The following CEP85L variants were observed in gnomAD, a reference collection of about 807,000 sequenced individuals.
CEP85L encodes centrosomal protein of 85 kDa-like.
Under a neutral mutation model 100.3 loss-of-function variants are expected in CEP85L, and 60 were observed. That is an observed-to-expected ratio of 0.60 (90% CI 0.49 to 0.74). The LOEUF is 0.74. Ranked by LOEUF, CEP85L falls within the 30% of genes least tolerant of loss-of-function variation. The probability of loss-of-function intolerance (pLI) is 0.00; values close to 1 mark genes in which losing one functional copy is unlikely to be tolerated. For missense variants in CEP85L, 973 were observed against 936.2 expected (o/e 1.04, Z -0.51); for synonymous variants, 319 against 322.7 (o/e 0.99, Z 0.12).
intron 1 of CEP85L, among the ~76,000 whole-genome samples, chr6:118,694,652 C>T (rs1034857413): frequency 7.2e-5 from 11 of 152,168 alleles, no homozygotes; most frequent in African/African-American, 2.7e-4. Flanking sequence ...TGAAAGCAAG[C>T]AGCATCACAT....
At chr6:118,567,247 GTGTA>G (rs1261456701) in intron 2 of CEP85L, among the ~76,000 whole-genome samples, 48 of 31,910 alleles carry the variant, frequency 1.5e-3, no homozygotes, top group Middle Eastern at 0.019. Context: ...GTGTGTGTGT[GTGTA>G]TATATATATA....
chr6:118,659,860 G>C (rs1012586511), intron 1 of CEP85L, among the ~76,000 whole-genome samples: 2 of 152,222 alleles, frequency 1.3e-5, no homozygotes, highest in East Asian at 3.8e-4. Flanking sequence ...CAGCTCCTGG[G>C]CCTGCCGCCG....
intron 5 of CEP85L, chr6:118,501,946 C>A (rs1422642908): frequency 1.1e-6 from 1 of 919,008 alleles, no homozygotes; most frequent in Admixed American, 2.0e-5. Flanking sequence ...ACAGTAGGAG[C>A]AGCTTGACTG....
At chr6:118,520,260 C>T (rs1776579896) in intron 4 of CEP85L, among the ~76,000 whole-genome samples, 1 of 152,130 alleles carries the variant, frequency 6.6e-6, no homozygotes, top group Middle Eastern at 3.2e-3. Context: ...AAAAGTAAAT[C>T]CACCTTTAAT....
At chr6:118,652,116 G>A (rs1263809316), upstream of CEP85L, among the ~76,000 whole-genome samples, 1 of 152,200 alleles carries the variant, frequency 6.6e-6, no homozygotes, top group African/African-American at 2.4e-5. Context: ...GGGCAACACA[G>A]GCACCAGAAT....
At chr6:118,468,071 T>C (rs1772664017) in intron 12 of CEP85L, among the ~76,000 whole-genome samples, 1 of 152,202 alleles carries the variant, frequency 6.6e-6, no homozygotes, top group Non-Finnish European at 1.5e-5. Flanking sequence ...CGTGAGTGAA[T>C]ATACTTAAAC....
Position 118,565,670 on chromosome 6 carries a change from G to A in CEP85L, c.879C>T (p.Ser293=), listed in dbSNP as rs145696727. 880 of 1,614,034 alleles carry A rather than the reference G, an allele frequency of 5.5e-4. No homozygotes were observed. The highest frequency in any genetic ancestry group is 8.2e-4 in the Middle Eastern group (5 of 6,084). Residue 293 remains serine (S), a synonymous_variant, in exon 3 of 13, where the codon TCC becomes TCT. Coordinates refer to ENST00000368491, the MANE Select transcript of CEP85L (RefSeq NM_001042475.3). ...QAVGGVPIQP[S]VRTQMWLTEQ... is the part of the protein sequence containing the mutation. Reference sequence around the variant, plus strand: ...CTGTAAGCCACATCTGAGTCCTTACGGAAGGCTGAATGGGAACTCCACCTA... The same window carrying A: ...CTGTAAGCCACATCTGAGTCCTTACAGAAGGCTGAATGGGAACTCCACCTA...
intron 2 of CEP85L, among the ~76,000 whole-genome samples, chr6:118,628,847 A>G (rs1204440486): frequency 6.6e-6 from 1 of 152,234 alleles, no homozygotes; most frequent in Non-Finnish European, 1.5e-5. Context: ...GATTTTTTAG[A>G]TAAAACGGCA....
intron 2 of CEP85L, among the ~76,000 whole-genome samples, chr6:118,601,915 G>C (rs1365796089): frequency 6.6e-6 from 1 of 152,158 alleles, no homozygotes; most frequent in Admixed American, 6.5e-5. Context: ...CCTGTAGTTT[G>C]TACTGACCTC....
At chr6:118,480,652 G>A in intron 8 of CEP85L, 139 bp from the exon 9 acceptor site, 1 of 570,540 alleles carries the variant, frequency 1.8e-6, no homozygotes, top group South Asian at 2.3e-5. Flanking sequence ...GACAGTATAT[G>A]AAAAACTGTT....
At chr6:118,645,531 G>T (rs1411306557) in intron 1 of CEP85L, among the ~76,000 whole-genome samples, 1 of 152,132 alleles carries the variant, frequency 6.6e-6, no homozygotes. Flanking sequence ...TTAGCCAGCA[G>T]TCAGTGCACA....
chr6:118,574,938 G>A (rs1411427594), intron 2 of CEP85L, among the ~76,000 whole-genome samples: 1 of 152,150 alleles, frequency 6.6e-6, no homozygotes, highest in Non-Finnish European at 1.5e-5. Flanking sequence ...GAAGGAAGAA[G>A]TGAAAGCAAA....
intron 1 of CEP85L, among the ~76,000 whole-genome samples, chr6:118,684,744 A>G (rs1420833894): frequency 6.6e-6 from 1 of 152,184 alleles, no homozygotes; most frequent in Non-Finnish European, 1.5e-5. Context: ...GTAACCCATG[A>G]TCTTGTAATC....
intron 1 of CEP85L, among the ~76,000 whole-genome samples, chr6:118,676,913 T>C (rs1776502683): frequency 6.6e-6 from 1 of 152,220 alleles, no homozygotes; most frequent in African/African-American, 2.4e-5. Context: ...TCTCATTGTG[T>C]TTTGAATTTG....
chr6:118,704,268 G>A (rs1777520669), intron 1 of CEP85L, among the ~76,000 whole-genome samples: 1 of 152,136 alleles, frequency 6.6e-6, no homozygotes, highest in African/African-American at 2.4e-5. Flanking sequence ...TCCCTTTGGG[G>A]GCATGTTATT....
At position 118,569,772 on chromosome 6, in the gene CEP85L, C is replaced by G. The variant is rs1178161660; in HGVS notation, c.233-3456G>C. Among the ~76,000 whole-genome samples the G allele has an allele frequency of 2.7e-5, 4 of 150,528 alleles. 1 individual carries two copies. Among genetic ancestry groups the G allele is most frequent in the Admixed American group, 2.6e-4 (4 of 15,152 alleles). ...AAATACCCATACATATAAAGAGCTT[C>G]AACAAATCAACAAAAAAAAAACCTA... On this transcript the variant is annotated intron_variant, in intron 2 of 12. Coordinates refer to ENST00000368491, the MANE Select transcript of CEP85L (RefSeq NM_001042475.3).
chr6:118,476,808 G>A (rs1246264543), intron 10 of CEP85L, among the ~76,000 whole-genome samples: 1 of 152,106 alleles, frequency 6.6e-6, no homozygotes, highest in Non-Finnish European at 1.5e-5. Context: ...ATCATCTATT[G>A]ATGGCTGTCA....
chr6:118,480,447 C>A lies in CEP85L; in HGVS notation c.1812G>T (p.Gln604His), dbSNP rs780643187. The stretch of plus-strand genomic sequence containing the variant: ...TGAGATTATCATTTTCATTCTGAAG[C>A]TGTTTTGCATCTAACATGGGAAGGC... ...GIRLPMLDAKQLQNENDNLRQ... is the reference protein window; with the variant it reads ...GIRLPMLDAKHLQNENDNLRQ... The change falls in exon 9 of 13, where the codon CAG (glutamine) becomes CAT (histidine). Residue 604 changes from glutamine to histidine, a missense_variant. Physicochemically the swap from Gln to His is conservative, Grantham distance 24. Coordinates refer to ENST00000368491, the MANE Select transcript of CEP85L (RefSeq NM_001042475.3). 9.3e-6 allele frequency: 15 copies of A among 1,611,826 alleles called. No individual in the cohort carries two copies. In the East Asian group the frequency reaches 3.1e-4, roughly 34 times the overall value.
intron 2 of CEP85L, among the ~76,000 whole-genome samples, chr6:118,597,732 T>C (rs1209088785): frequency 2.0e-5 from 3 of 152,234 alleles, no homozygotes; most frequent in Non-Finnish European, 4.4e-5. Context: ...TGGAGACTTA[T>C]GAAAAAGATA....
Sources: gnomAD v4.1 joint callset for allele counts (sites outside exome capture counted in the v4.1 genomes callset) on GRCh38, gnomAD v4.1.1 for gene constraint, MANE v1.5 for transcripts, NCBI Gene and HGNC (gene_info 2026-07-23, HGNC 2026-07-21) for gene names.